Variants in SRGAP3 observed in about 807,000 individuals in gnomAD.
SRGAP3 encodes the protein SLIT-ROBO Rho GTPase activating protein 3, also known as SLIT-ROBO Rho GTPase-activating protein 3.
SRGAP3 carries 39 observed loss-of-function variants against 121.1 expected under a neutral mutation model. That is an observed-to-expected ratio of 0.32 (90% confidence interval 0.25 to 0.42). The LOEUF is 0.42. Among genes scored for constraint, SRGAP3 ranks in the 10% least tolerant of loss-of-function variants. SRGAP3 has a pLI of 1.00. For missense variants in SRGAP3, 1,213 were observed against 1,470.6 expected (o/e 0.82, Z 2.86); for synonymous variants, 601 against 570.0 (o/e 1.05, Z -0.77).
chr3:9,208,907 TTCAA>T (rs1179908749), intron 1 of SRGAP3, among the ~76,000 whole-genome samples: 1 of 152,230 alleles, frequency 6.6e-6, no homozygotes, highest in African/African-American at 2.4e-5. Flanking sequence ...ACAGCATGCA[TTCAA>T]TCAATGTCTG....
chr3:9,228,795 G>T (rs1370396649), intron 1 of SRGAP3, among the ~76,000 whole-genome samples: 1 of 151,628 alleles, frequency 6.6e-6, no homozygotes, highest in Non-Finnish European at 1.5e-5. Flanking sequence ...GGCGCGGTGG[G>T]CTCACGCCTG....
rs116982077 is a variant in SRGAP3, at chr3:9,289,837, G to A, written n.442+36173C>T. Among the ~76,000 whole-genome samples, 755 of 152,216 alleles carry A rather than the reference G, an allele frequency of 5.0e-3. 20 individuals are homozygous for A. The East Asian group carries it at 0.064, about 13-fold the overall frequency. ...ACTCACCCAGTTCAGGCTGGGAATG[G>A]TGGCTCATGCCTGTAATACCAGCAC... is the stretch of plus-strand genomic sequence containing the variant. On this transcript the variant is annotated intron_variant and non_coding_transcript_variant, in intron 3 of 3. Coordinates refer to the SRGAP3 transcript ENST00000490889.
intron 3 of SRGAP3, among the ~76,000 whole-genome samples, chr3:9,272,588 T>C (rs527297033): frequency 6.6e-6 from 1 of 152,206 alleles, no homozygotes; most frequent in Non-Finnish European, 1.5e-5. Context: ...AGAGTTTCCT[T>C]CCTCTTTAAG....
At chr3:9,276,998 A>G (rs1954595948) in intron 3 of SRGAP3, among the ~76,000 whole-genome samples, 1 of 152,246 alleles carries the variant, frequency 6.6e-6, no homozygotes, top group Admixed American at 6.5e-5. Context: ...TCAGCCATTC[A>G]CAAGAAATGT....
In SRGAP3 at chr3:9,132,063, T is replaced by A. The variant is rs536641370; in HGVS notation, c.68-7146A>T. Among the ~76,000 whole-genome samples, 6 of 152,256 alleles carry A rather than the reference T, an allele frequency of 3.9e-5. No individual in the cohort carries two copies. In the East Asian group the frequency reaches 1.2e-3, roughly 29 times the overall value. ...ACAACCACAACCTCACCAGCAATAG[T>A]AGGAAGATTCTTCAGATCAGTCTTT... On this transcript the variant is annotated intron_variant, in intron 1 of 21. Transcript: ENST00000383836.
At chr3:9,013,964 T>G in intron 15 of SRGAP3, 122 bp from the exon 16 acceptor site, 1 of 873,820 alleles carries the variant, frequency 1.1e-6, no homozygotes, top group South Asian at 1.4e-5. Flanking sequence ...TACTCTTGAT[T>G]CCAGGGATCA....
intron 1 of SRGAP3, among the ~76,000 whole-genome samples, chr3:9,160,665 G>C (rs1950574565): frequency 6.6e-6 from 1 of 152,148 alleles, no homozygotes; most frequent in Non-Finnish European, 1.5e-5. Context: ...AGAAGTGTTT[G>C]TTTTAAACTG....
chr3:9,058,527 C>T (rs960484607), intron 6 of SRGAP3, 55 bp from the exon 7 acceptor site: 23 of 1,542,174 alleles, frequency 1.5e-5, no homozygotes, highest in African/African-American at 1.2e-4. Flanking sequence ...TGTGGAGGGG[C>T]GGTCACTGGC....
At chr3:9,135,650 A>G (rs1422654863) in intron 1 of SRGAP3, among the ~76,000 whole-genome samples, 1 of 152,224 alleles carries the variant, frequency 6.6e-6, no homozygotes, top group Non-Finnish European at 1.5e-5. Flanking sequence ...AAAGGCAAGT[A>G]AGTATTCTTA....
At chr3:9,047,496 G>A (rs1403615047) in intron 9 of SRGAP3, 21 bp from the exon 10 acceptor site, 1 of 1,612,544 alleles carries the variant, frequency 6.2e-7, no homozygotes, top group Non-Finnish European at 8.5e-7. Flanking sequence ...CAAGGCACAA[G>A]GAAGTTATAG....
chr3:9,347,174 CT>C (rs1440709452), intron 1 of SRGAP3, among the ~76,000 whole-genome samples: 1 of 151,602 alleles, frequency 6.6e-6, no homozygotes, highest in African/African-American at 2.4e-5. Context: ...TTTTTTGTTT[CT>C]TTGTTTTTGA....
Position 9,174,806 on chromosome 3 carries a change from G to A in SRGAP3, c.68-49889C>T, listed in dbSNP as rs139920106. Among the ~76,000 whole-genome samples the A allele has an allele frequency of 7.8e-3, 1,187 of 152,244 alleles. 10 individuals are homozygous for A. Among genetic ancestry groups the A allele is most frequent in the Non-Finnish European group, 0.011 (731 of 68,014 alleles). On this transcript the variant is annotated intron_variant, in intron 1 of 21. Coordinates refer to ENST00000383836, the MANE Select transcript of SRGAP3 (RefSeq NM_014850.4). ...GTTTTTCATCTCATTTGATCCTCCC[G>A]AGGAGGAATCAGTACTCGCAGCTGA...
chr3:9,051,025 T>A (rs1275794982), intron 9 of SRGAP3, among the ~76,000 whole-genome samples: 3 of 114,132 alleles, frequency 2.6e-5, no homozygotes, highest in African/African-American at 9.7e-5. Context: ...TGCTTTTTTT[T>A]TTTTTTTTTT....
At chr3:9,356,874 T>C (rs1474691357) in intron 1 of SRGAP3, among the ~76,000 whole-genome samples, 1 of 152,206 alleles carries the variant, frequency 6.6e-6, no homozygotes, top group Non-Finnish European at 1.5e-5. Context: ...AAGAGAATAT[T>C]TTCTTTTGAT....
intron 1 of SRGAP3, among the ~76,000 whole-genome samples, chr3:9,241,768 G>C (rs1176313008): frequency 6.6e-6 from 1 of 152,112 alleles, no homozygotes; most frequent in Non-Finnish European, 1.5e-5. Context: ...GATGGTATTA[G>C]TGCCCTTATA....
At chr3:9,015,528 G>T (rs778380151) in intron 15 of SRGAP3, 69 bp downstream of exon 15, 1 of 1,599,704 alleles carries the variant, frequency 6.3e-7, no homozygotes, top group African/African-American at 1.3e-5. Flanking sequence ...TAGCACAGCA[G>T]TAAGCCTGTA....
intron 1 of SRGAP3, among the ~76,000 whole-genome samples, chr3:9,339,192 CACCT>C (rs1301910549): frequency 6.6e-6 from 1 of 152,176 alleles, no homozygotes; most frequent in Non-Finnish European, 1.5e-5. Context: ...TTGGTTTTCT[CACCT>C]ACAAAAATGT....
chr3:9,238,995 T>C (rs919077421), intron 1 of SRGAP3, among the ~76,000 whole-genome samples: 4 of 152,348 alleles, frequency 2.6e-5, no homozygotes, highest in African/African-American at 7.2e-5. Flanking sequence ...ACAAGGGCCT[T>C]GGTGCTGCCT....
chr3:8,994,609 G>T, intron 18 of SRGAP3, 86 bp from the exon 19 acceptor site: 1 of 1,548,464 alleles, frequency 6.5e-7, no homozygotes, highest in Non-Finnish European at 8.8e-7. Flanking sequence ...TGGCTTCTCT[G>T]GGGAAGGATA....
Sources: gnomAD v4.1 joint callset for allele counts (sites outside exome capture counted in the v4.1 genomes callset) on GRCh38, gnomAD v4.1.1 for gene constraint, MANE v1.5 for transcripts, NCBI Gene and HGNC (gene_info 2026-07-23, HGNC 2026-07-21) for gene names.